KCNQ3: variants seen among roughly 807,000 people sequenced by gnomAD.
KCNQ3 encodes the protein potassium voltage-gated channel subfamily Q member 3.
Under a neutral mutation model 92.5 loss-of-function variants are expected in KCNQ3, and 30 were observed. That is an observed-to-expected ratio of 0.32 (90% confidence interval 0.24 to 0.44). The LOEUF (loss-of-function observed/expected upper bound fraction) is 0.44, where lower values mean the gene tolerates loss of function less well. KCNQ3 is among the 20% of genes least tolerant of loss of function. The probability of loss-of-function intolerance (pLI) is 1.00; values close to 1 mark genes in which losing one functional copy is unlikely to be tolerated. For missense variants in KCNQ3, 913 were observed against 1,140.3 expected (o/e 0.80, Z 2.87); for synonymous variants, 450 against 468.8 (o/e 0.96, Z 0.52).
At chr8:132,372,790 A>C (rs1819511081) in intron 1 of KCNQ3, among the ~76,000 whole-genome samples, 1 of 145,528 alleles carries the variant, frequency 6.9e-6, no homozygotes, top group South Asian at 2.2e-4. Context: ...AAAAACGCTT[A>C]GAGCAGAGCC....
chr8:132,392,815 G>T (rs79414779), intron 1 of KCNQ3, among the ~76,000 whole-genome samples: 2 of 79,356 alleles, frequency 2.5e-5, no homozygotes, highest in African/African-American at 9.8e-5. Context: ...AAAAAAAAAA[G>T]ACGACAAAAA....
At chr8:132,278,218 A>G in intron 1 of KCNQ3, 2 of 985,178 alleles carry the variant, frequency 2.0e-6, no homozygotes, top group African/African-American at 1.7e-5. Flanking sequence ...GACCAAAGAC[A>G]AAATTAGCAT....
At chr8:132,248,695 C>T (rs996618766) in intron 1 of KCNQ3, among the ~76,000 whole-genome samples, 1 of 152,206 alleles carries the variant, frequency 6.6e-6, no homozygotes, top group African/African-American at 2.4e-5. Flanking sequence ...CTTCCAGTCC[C>T]ACCAGAACTG....
intron 1 of KCNQ3, among the ~76,000 whole-genome samples, chr8:132,195,752 T>C (rs1275609422): frequency 6.6e-6 from 1 of 152,160 alleles, no homozygotes; most frequent in African/African-American, 2.4e-5. Flanking sequence ...GATTCAACTA[T>C]ATGCTGTCTA....
intron 1 of KCNQ3, among the ~76,000 whole-genome samples, chr8:132,355,060 AAG>A (rs1818981953): frequency 6.6e-6 from 1 of 152,186 alleles, no homozygotes; most frequent in Non-Finnish European, 1.5e-5. Flanking sequence ...CCTCTAGGGA[AAG>A]AGAGAAATGT....
In KCNQ3 at chr8:132,141,316, G is replaced by C. The variant is rs1280999092; in HGVS notation, c.1278C>G (p.Leu426=). 6.2e-7 allele frequency: 1 copy of C among 1,614,016 alleles called. No individual in the cohort carries two copies. The highest frequency in any genetic ancestry group is 8.5e-7 in the Non-Finnish European group (1 of 1,180,036). Residue 426 remains leucine (L), a synonymous_variant, in exon 10 of 15, where the codon CTC becomes CTG. Transcript: ENST00000388996. ...LEAASSQKLG[L]LDRVRLSNPR... is the part of the protein sequence containing the mutation. ...GATTAGAAAGGCGAACCCGATCCAAGAGACCCAGCTTTTGGCTACAAAATA... is the reference window on the plus strand; with the variant it reads ...GATTAGAAAGGCGAACCCGATCCAACAGACCCAGCTTTTGGCTACAAAATA...
In KCNQ3 at chr8:132,261,336, G is replaced by A. The variant is rs74697437; in HGVS notation, c.387-75155C>T. ...TGCCTGCCTCTCTACCCCAGTCAAGGCTGCGTGCCTCACCCAGTGGGGCTC... is the reference window on the plus strand; with the variant it reads ...TGCCTGCCTCTCTACCCCAGTCAAGACTGCGTGCCTCACCCAGTGGGGCTC... On this transcript the variant is annotated intron_variant, in intron 1 of 14. Coordinates refer to ENST00000388996, the MANE Select transcript of KCNQ3 (RefSeq NM_004519.4). Among the ~76,000 whole-genome samples the A allele has an allele frequency of 7.3e-3, 1,119 of 152,258 alleles. 8 individuals are homozygous for A. The highest frequency in any genetic ancestry group is 0.025 in the African/African-American group (1,021 of 41,538).
chr8:132,228,441 A>C (rs1468871122), intron 1 of KCNQ3, among the ~76,000 whole-genome samples: 1 of 152,104 alleles, frequency 6.6e-6, no homozygotes, highest in East Asian at 1.9e-4. Context: ...GCAATACCTA[A>C]TTGCGAAAGA....
At chr8:132,414,272 C>G (rs535972304) in intron 1 of KCNQ3, among the ~76,000 whole-genome samples, 1 of 152,306 alleles carries the variant, frequency 6.6e-6, no homozygotes, top group Non-Finnish European at 1.5e-5. Context: ...GTGCTTGCCC[C>G]TGCAGAAGGG....
At chr8:132,209,062 G>A (rs1813765617) in intron 1 of KCNQ3, among the ~76,000 whole-genome samples, 2 of 152,156 alleles carry the variant, frequency 1.3e-5, no homozygotes. Context: ...TGATGAACAG[G>A]AAGCAGACAG....
chr8:132,398,253 C>G (rs2597353), intron 1 of KCNQ3, among the ~76,000 whole-genome samples: 1 of 152,092 alleles, frequency 6.6e-6, no homozygotes, highest in Non-Finnish European at 1.5e-5. Flanking sequence ...ATCTCTCCCC[C>G]TCTTCAACTA....
intron 1 of KCNQ3, among the ~76,000 whole-genome samples, chr8:132,333,967 A>T (rs971276659): frequency 1.3e-5 from 2 of 151,904 alleles, no homozygotes; most frequent in African/African-American, 4.8e-5. Flanking sequence ...TCTTGACCTC[A>T]AGTGACCCTC....
intron 1 of KCNQ3, among the ~76,000 whole-genome samples, chr8:132,338,188 G>A (rs191544450): frequency 4.5e-4 from 68 of 152,330 alleles, no homozygotes; most frequent in Non-Finnish European, 9.1e-4. Flanking sequence ...CCCTGTGAGA[G>A]TATCAGCATG....
chr8:132,401,665 C>G (rs759983406), intron 1 of KCNQ3, among the ~76,000 whole-genome samples: 2 of 152,206 alleles, frequency 1.3e-5, no homozygotes, highest in East Asian at 1.9e-4. Flanking sequence ...TGAGCCACCA[C>G]GCTAGGCCAA....
intron 1 of KCNQ3, among the ~76,000 whole-genome samples, chr8:132,208,064 A>G (rs1221608489): frequency 2.0e-5 from 3 of 151,966 alleles, no homozygotes; most frequent in African/African-American, 7.2e-5. Context: ...CCTGGGCTCC[A>G]TGTTCATCTC....
intron 1 of KCNQ3, among the ~76,000 whole-genome samples, chr8:132,468,896 C>G (rs1181652840): frequency 6.6e-6 from 1 of 152,204 alleles, no homozygotes; most frequent in East Asian, 1.9e-4. Context: ...ACACTACATG[C>G]AGGAAGCAGT....
chr8:132,273,011 A>C (rs1305481422), intron 1 of KCNQ3, among the ~76,000 whole-genome samples: 2 of 152,012 alleles, frequency 1.3e-5, no homozygotes, highest in Non-Finnish European at 2.9e-5. Context: ...ATCAAAAGCA[A>C]TTTCCAGGCC....
In KCNQ3 at chr8:132,480,302, C is replaced by T. The variant is rs1195159317; in HGVS notation, c.231G>A (p.Gly77=). ...CGATGCCCTGCGGGGTCCTCCGCTG[C>T]CCCTCGTCGCGGCCGCCGCCCTCCA... ...LLLEGGGRDE[G]QRRTPQGIGL... Residue 77 remains glycine (G), a synonymous_variant, in exon 1 of 15, where the codon GGG becomes GGA. Transcript: ENST00000388996. 4 of 1,604,328 alleles carry T rather than the reference C, an allele frequency of 2.5e-6. No homozygotes were observed. In the South Asian group the frequency reaches 3.3e-5, roughly 13 times the overall value.
chr8:132,341,519 C>T (rs1467597361), intron 1 of KCNQ3, among the ~76,000 whole-genome samples: 7 of 152,178 alleles, frequency 4.6e-5, no homozygotes, highest in Non-Finnish European at 1.0e-4. Flanking sequence ...TCTGTGAGTG[C>T]CTTCTCGTCC....
Sources: allele counts gnomAD v4.1 joint callset (sites outside exome capture counted in the v4.1 genomes callset), GRCh38; gene constraint gnomAD v4.1.1; transcripts MANE v1.5; gene names NCBI Gene and HGNC (gene_info 2026-07-23, HGNC 2026-07-21).